The following ANKH variants were observed in gnomAD, a reference collection of about 807,000 sequenced individuals.
The protein encoded by ANKH is mineralization regulator ANKH.
A neutral mutation model predicts 49.0 loss-of-function variants in ANKH; 15 were observed. The observed-to-expected ratio is 0.31, with a 90% CI of 0.20 to 0.47. ANKH has a LOEUF of 0.47. Ranked by LOEUF, ANKH falls within the 20% of genes least tolerant of loss-of-function variation. The pLI is 1.00. For missense variants in ANKH, 429 were observed against 652.0 expected (o/e 0.66, Z 3.72); for synonymous variants, 273 against 260.0 (o/e 1.05, Z -0.48).
At position 14,727,903 on chromosome 5, in the gene ANKH, G is replaced by A. The variant is rs146665931; in HGVS notation, c.1012-11068C>T. 5.3e-5 allele frequency among the ~76,000 whole-genome samples: 8 copies of A among 152,264 alleles called. No homozygotes were observed. In the East Asian group the frequency reaches 1.5e-3, roughly 29 times the overall value. ...AAAATCTTAAAAACATTTGGAACCT[G>A]CTTATAACAGCACACTCTGTTCATT... On this transcript the variant is annotated intron_variant, in intron 8 of 11. Transcript: ENST00000284268.
chr5:14,856,474 G>A (rs1394571157), intron 1 of ANKH, among the ~76,000 whole-genome samples: 2 of 151,870 alleles, frequency 1.3e-5, no homozygotes, highest in African/African-American at 2.4e-5. Flanking sequence ...AGGTCACAGA[G>A]CCAGTGGGTG....
In ANKH at chr5:14,710,060, T is replaced by G. The variant is rs1451711728; in HGVS notation, c.*1137A>C. On this transcript the variant is annotated 3_prime_UTR_variant, in exon 12 of 12. Coordinates refer to ENST00000284268, the MANE Select transcript of ANKH (RefSeq NM_054027.6). The stretch of plus-strand genomic sequence containing the variant: ...CACTGCATGGATTTCGAATGCGTTA[T>G]TTCAGGGAGGACCACATAGTGACTC... 2.0e-5 allele frequency: 3 copies of G among 152,352 alleles called. No homozygotes were observed. The highest frequency in any genetic ancestry group is 6.8e-3 in the Middle Eastern group (2 of 294). The allele number at this position is 152,352 out of a possible 1,614,324, so 9.4% of individuals were successfully genotyped here.
intron 1 of ANKH, among the ~76,000 whole-genome samples, chr5:14,855,924 T>C (rs1735228752): frequency 6.6e-6 from 1 of 151,358 alleles, no homozygotes; most frequent in African/African-American, 2.4e-5. Flanking sequence ...ATTTGCTTGC[T>C]TCTGCTTGCC....
At chr5:14,841,268 T>C (rs151103840) in intron 1 of ANKH, among the ~76,000 whole-genome samples, 1 of 152,024 alleles carries the variant, frequency 6.6e-6, no homozygotes, top group African/African-American at 2.4e-5. Context: ...TAAATCATGA[T>C]AAAATAGACA....
In ANKH at chr5:14,705,099, A is replaced by G. The variant is rs1736899005; in HGVS notation, c.*6098T>C. The stretch of plus-strand genomic sequence containing the variant: ...GGATTCCAACTCCTGTGCTTAAGCG[A>G]TCCTCCTGCCTCAGCCTCCCAAGTA... On this transcript the variant is annotated 3_prime_UTR_variant, in exon 12 of 12. Coordinates refer to ENST00000284268, the MANE Select transcript of ANKH (RefSeq NM_054027.6). 1 of 152,214 alleles carries G rather than the reference A, an allele frequency of 6.6e-6. No homozygotes were observed. Among genetic ancestry groups the G allele is most frequent in the East Asian group, 1.9e-4 (1 of 5,178 alleles). 9.4% of individuals were successfully genotyped at this position (152,214 alleles called of 1,614,324 possible). A position where few individuals can be genotyped will look rare whatever the true frequency, so the allele number is the denominator to read the frequency against.
intron 1 of ANKH, among the ~76,000 whole-genome samples, chr5:14,786,044 T>TC (rs1311694169): frequency 8.9e-5 from 4 of 44,770 alleles, no homozygotes; most frequent in Non-Finnish European, 1.6e-4. Flanking sequence ...AGACTCTGTC[T>TC]CAAAAAAAAA....
chr5:14,728,580 T>C (rs1183070457), intron 8 of ANKH, among the ~76,000 whole-genome samples: 1 of 152,128 alleles, frequency 6.6e-6, no homozygotes, highest in Non-Finnish European at 1.5e-5. Context: ...CAGGCCGTCT[T>C]TGTTCCAGAC....
chr5:14,723,003 C>T (rs924978580), intron 8 of ANKH, among the ~76,000 whole-genome samples: 3 of 152,058 alleles, frequency 2.0e-5, no homozygotes, highest in South Asian at 4.2e-4. Context: ...CCCAGACAAA[C>T]GCACATTGAG....
At chr5:14,870,226 G>C (rs1735774476) in intron 1 of ANKH, 1 of 152,104 alleles carries the variant, frequency 6.6e-6, no homozygotes, top group Non-Finnish European at 1.5e-5. Flanking sequence ...TTACAATGTG[G>C]GCTACATATT....
intron 3 of ANKH, among the ~76,000 whole-genome samples, chr5:14,757,428 A>ATTT (rs1482943564): frequency 4.7e-5 from 6 of 128,126 alleles, no homozygotes; most frequent in African/African-American, 1.3e-4. Flanking sequence ...ATATATATAT[A>ATTT]TATTTTTTTT....
intron 4 of ANKH, among the ~76,000 whole-genome samples, chr5:14,755,154 C>T (rs1738846419): frequency 2.0e-5 from 3 of 151,816 alleles, no homozygotes; most frequent in Non-Finnish European, 4.4e-5. Context: ...CTCCCAAATC[C>T]CTGACTGTAG....
intron 1 of ANKH, chr5:14,868,856 C>A (rs549142918): frequency 2.6e-5 from 4 of 152,098 alleles, no homozygotes; most frequent in African/African-American, 9.7e-5. Flanking sequence ...CCAAGTGCTA[C>A]GATCATAGGC....
intron 1 of ANKH, among the ~76,000 whole-genome samples, chr5:14,855,157 A>C (rs1459284069): frequency 6.6e-6 from 1 of 152,164 alleles, no homozygotes; most frequent in South Asian, 2.1e-4. Context: ...ATGGGGACAT[A>C]GTATTCTCTT....
At chr5:14,868,249 G>A (rs1326799205) in intron 1 of ANKH, among the ~76,000 whole-genome samples, 1 of 152,034 alleles carries the variant, frequency 6.6e-6, no homozygotes, top group Non-Finnish European at 1.5e-5. Flanking sequence ...ATCTGTACAT[G>A]TTTTTAAAAG....
rs201739117 is a variant in ANKH at position 14,845,367 on chromosome 5, T to TATATATA, written c.96+25984_96+25985insTATATAT. 7.3e-3 allele frequency among the ~76,000 whole-genome samples: 604 copies of TATATATA among 83,306 alleles called. 2 individuals are homozygous for TATATATA. The highest frequency in any genetic ancestry group is 0.064 in the East Asian group (61 of 946). 54.7% of individuals were successfully genotyped at this position (83,306 alleles called of 152,430 possible). A position where few individuals can be genotyped will look rare whatever the true frequency, so the allele number is the denominator to read the frequency against. On this transcript the variant is annotated intron_variant, in intron 1 of 11. Coordinates refer to ENST00000284268, the MANE Select transcript of ANKH (RefSeq NM_054027.6). ...TCATGTGTATATATATATATATATA[T>TATATATA]TTTTTTTTTTACCTTTCTGGTTTTA... is the stretch of plus-strand genomic sequence containing the variant.
intron 8 of ANKH, among the ~76,000 whole-genome samples, chr5:14,720,345 A>G (rs1200130670): frequency 2.0e-5 from 3 of 152,160 alleles, no homozygotes. Context: ...GGACTTTATT[A>G]CCTGAATGCC....
rs575240083 is a variant in ANKH at position 14,803,693 on chromosome 5, C to T, written c.97-34502G>A. 2.2e-4 allele frequency among the ~76,000 whole-genome samples: 33 copies of T among 152,262 alleles called. No homozygotes were observed. In the South Asian group the frequency reaches 2.9e-3, roughly 13 times the overall value. On this transcript the variant is annotated intron_variant, in intron 1 of 11. Coordinates refer to ENST00000284268, the MANE Select transcript of ANKH (RefSeq NM_054027.6). ...GTAAAATCAAGGTCTCAGTTCACTC[C>T]GTGATCTTGGCGATATGCAGATCTA...
intron 1 of ANKH, among the ~76,000 whole-genome samples, chr5:14,831,491 C>T (rs1038843822): frequency 2.2e-4 from 34 of 152,272 alleles, no homozygotes; most frequent in African/African-American, 7.9e-4. Context: ...TTTGCTGAAA[C>T]TGATATCATC....
rs187339129 is a variant in ANKH, at chr5:14,801,410, A to G, written c.97-32219T>C. 1.2e-4 allele frequency among the ~76,000 whole-genome samples: 19 copies of G among 152,340 alleles called. No homozygotes were observed. In the East Asian group the frequency reaches 3.5e-3, roughly 28 times the overall value. ...TGGACAAGCTAATGCTATGTTACTG[A>G]AAGTATACTCTAAGGAACACTATTT... is the stretch of plus-strand genomic sequence containing the variant. On this transcript the variant is annotated intron_variant, in intron 1 of 11. Coordinates refer to ENST00000284268, the MANE Select transcript of ANKH (RefSeq NM_054027.6).
Sources: allele counts gnomAD v4.1 joint callset (sites outside exome capture counted in the v4.1 genomes callset), GRCh38; gene constraint gnomAD v4.1.1; transcripts MANE v1.5; gene names NCBI Gene and HGNC (gene_info 2026-07-23, HGNC 2026-07-21).